JPT2: variants seen among roughly 807,000 people sequenced by gnomAD.
The protein encoded by JPT2 is Jupiter microtubule associated homolog 2.
In JPT2, 9 loss-of-function variants were observed where a neutral mutation model predicts 15.9. The ratio of observed to expected loss-of-function variants is 0.57; its 90% CI spans 0.34 to 0.99. The LOEUF (loss-of-function observed/expected upper bound fraction) is 0.99. Among genes scored for constraint, JPT2 ranks in the 50% least tolerant of loss-of-function variants. JPT2 has a pLI of 0.02. For missense variants in JPT2, 267 were observed against 252.1 expected, an observed-to-expected ratio of 1.06 and a Z score of -0.40; for synonymous variants, 95 against 91.7, an observed-to-expected ratio of 1.04 and a Z score of -0.21.
intron 3 of JPT2, among the ~76,000 whole-genome samples, chr16:1,694,744 C>A (rs952769072): frequency 2.6e-5 from 4 of 151,814 alleles, no homozygotes; most frequent in African/African-American, 7.3e-5. Flanking sequence ...AGAACAGTCT[C>A]TTTAGCAAAT....
rs1463347752 is a variant in JPT2, at chr16:1,690,069, C to G, written c.194-1774C>G. On this transcript the variant is annotated intron_variant, in intron 2 of 4. Transcript: ENST00000248098. The stretch of plus-strand genomic sequence containing the variant: ...ACCTGCAAAAGGTAGACACGCCCGC[C>G]CGACCCCCCACTTGCTGTGCTCTGT... The G allele has an allele frequency of 2.6e-5, 4 of 152,260 alleles. No individual in the cohort carries two copies. In the East Asian group the frequency reaches 7.7e-4, roughly 29 times the overall value. The allele number at this position is 152,260 out of a possible 1,614,324, so 9.4% of individuals were successfully genotyped here.
Position 1,695,998 on chromosome 16 carries a change from G to A in JPT2, c.337-1814G>A, listed in dbSNP as rs146114191. ...AATCCCATCACTTTGGGAGGCCGAGGTGGGCAGATCACCTGAGGTCAAGAG... is the reference window on the plus strand; with the variant it reads ...AATCCCATCACTTTGGGAGGCCGAGATGGGCAGATCACCTGAGGTCAAGAG... On this transcript the variant is annotated intron_variant, in intron 3 of 4. Transcript: ENST00000248098. 6.1e-4 allele frequency among the ~76,000 whole-genome samples: 93 copies of A among 152,316 alleles called. 3 individuals carry two copies. The East Asian group carries it at 0.018, about 29-fold the overall frequency.
chr16:1,681,120 C>G (rs528762657), intron 1 of JPT2, among the ~76,000 whole-genome samples: 1 of 152,360 alleles, frequency 6.6e-6, no homozygotes, highest in African/African-American at 2.4e-5. Flanking sequence ...TGAGCTCTAG[C>G]GTTCCCCCTC....
intron 3 of JPT2, chr16:1,692,217 C>G: frequency 1.8e-6 from 1 of 570,982 alleles, no homozygotes; most frequent in Non-Finnish European, 3.0e-6. Context: ...GTGCTGGTGG[C>G]GGACGCCCAC....
At chr16:1,692,505 A>G (rs1331023554) in intron 3 of JPT2, 1 of 165,694 alleles carries the variant, frequency 6.0e-6, no homozygotes, top group East Asian at 1.8e-4. Flanking sequence ...AGTGGCCTGG[A>G]AAGGAGAGGA....
Position 1,701,147 on chromosome 16 carries a change from G to T in JPT2, c.*2149G>T, listed in dbSNP as rs181656187. 51 of 152,702 alleles carry T rather than the reference G, an allele frequency of 3.3e-4. No homozygotes were observed. The highest frequency in any genetic ancestry group is 1.1e-3 in the African/African-American group (47 of 41,570). The allele number at this position is 152,702 out of a possible 1,614,324, so 9.5% of individuals were successfully genotyped here. ...GTCGTTTACATTTGGGAGGTGTCCT[G>T]TATGTCTGTACGTTGGGGACTGCCT... On this transcript the variant is annotated 3_prime_UTR_variant, in exon 5 of 5. Transcript: ENST00000248098.
chr16:1,678,463 G>T (rs2036991474), intron 1 of JPT2, 107 bp downstream of exon 1: 2 of 1,081,524 alleles, frequency 1.8e-6, no homozygotes, highest in Admixed American at 8.7e-5. Flanking sequence ...GGGGTTGGGG[G>T]GCAGGGCGAC....
At chr16:1,702,739 C>G (rs970198116), downstream of JPT2, among the ~76,000 whole-genome samples, 9 of 152,216 alleles carry the variant, frequency 5.9e-5, no homozygotes, top group Non-Finnish European at 1.0e-4. Flanking sequence ...AAAGTGCTAT[C>G]TAAAGATGCT....
intron 3 of JPT2, among the ~76,000 whole-genome samples, chr16:1,694,900 A>G (rs2037130221): frequency 6.6e-6 from 1 of 152,224 alleles, no homozygotes; most frequent in South Asian, 2.1e-4. Flanking sequence ...TATAGGGACA[A>G]ATCTTCATGA....
At chr16:1,697,383 C>T (rs940590854) in intron 3 of JPT2, among the ~76,000 whole-genome samples, 3 of 152,070 alleles carry the variant, frequency 2.0e-5, no homozygotes, top group Non-Finnish European at 2.9e-5. Context: ...TGTGGTGGCT[C>T]ACGCCTGTAG....
At chr16:1,697,977 T>G in intron 4 of JPT2, 117 bp downstream of exon 4, 1 of 878,020 alleles carries the variant, frequency 1.1e-6, no homozygotes. Context: ...GGCCACCTGA[T>G]TAAAACGAGC....
intron 3 of JPT2, among the ~76,000 whole-genome samples, chr16:1,696,839 G>A (rs1316385138): frequency 6.6e-6 from 1 of 152,222 alleles, no homozygotes; most frequent in African/African-American, 2.4e-5. Context: ...TGGTGAGGAT[G>A]CAGAGAAACT....
intron 1 of JPT2, among the ~76,000 whole-genome samples, chr16:1,678,865 G>C (rs1420565975): frequency 6.6e-6 from 1 of 152,144 alleles, no homozygotes; most frequent in Non-Finnish European, 1.5e-5. Flanking sequence ...CCGTGTCCCT[G>C]GTGTGTGTGT....
intron 2 of JPT2, chr16:1,685,900 G>A: frequency 4.2e-6 from 1 of 240,864 alleles, no homozygotes; most frequent in South Asian, 1.0e-4. Flanking sequence ...TGAGATTCCT[G>A]AAATTGCGTG....
intron 2 of JPT2, 108 bp from the exon 3 acceptor site, chr16:1,691,734 TG>T: frequency 7.7e-7 from 1 of 1,300,742 alleles, no homozygotes; most frequent in Non-Finnish European, 1.0e-6. Flanking sequence ...AGCTCAGGGC[TG>T]GCACTCGGGG....
At chr16:1,681,115 T>G (rs954269429) in intron 1 of JPT2, among the ~76,000 whole-genome samples, 1 of 152,240 alleles carries the variant, frequency 6.6e-6, no homozygotes, top group African/African-American at 2.4e-5. Flanking sequence ...ATGTGTGAGC[T>G]CTAGCGTTCC....
intron 3 of JPT2, chr16:1,692,334 C>T: frequency 3.6e-6 from 1 of 278,614 alleles, no homozygotes; most frequent in South Asian, 5.3e-5. Flanking sequence ...GTCTTCCACT[C>T]TTCCTGTTTC....
At chr16:1,697,961 C>A in intron 4 of JPT2, 101 bp downstream of exon 4, 3 of 1,039,282 alleles carry the variant, frequency 2.9e-6, no homozygotes, top group South Asian at 1.4e-5. Context: ...TTCTTTGCAC[C>A]TTCTGGGCCA....
intron 1 of JPT2, chr16:1,683,415 CTTT>C: frequency 3.0e-6 from 2 of 657,458 alleles, no homozygotes; most frequent in Non-Finnish European, 5.2e-6. Flanking sequence ...CCGGACAGCC[CTTT>C]CTCATTTAAG....
Sources: gnomAD v4.1 joint callset for allele counts (sites outside exome capture counted in the v4.1 genomes callset) on GRCh38, gnomAD v4.1.1 for gene constraint, MANE v1.5 for transcripts, NCBI Gene and HGNC (gene_info 2026-07-23, HGNC 2026-07-21) for gene names.